The following GRAMD1B variants were observed in gnomAD, a reference collection of about 807,000 sequenced individuals.
The protein encoded by GRAMD1B is GRAM domain containing 1B, also known as protein Aster-B.
Under a neutral mutation model 99.7 loss-of-function variants are expected in GRAMD1B, and 37 were observed. The observed-to-expected ratio is 0.37, with a 90% confidence interval of 0.29 to 0.49. The LOEUF (loss-of-function observed/expected upper bound fraction) is 0.49. Among genes scored for constraint, GRAMD1B ranks in the 20% least tolerant of loss-of-function variants. GRAMD1B has a pLI of 0.98. For synonymous variants in GRAMD1B, 427 were observed against 387.6 expected (o/e 1.10, Z -1.19); for missense variants, 888 against 1,009.2 (o/e 0.88, Z 1.63).
intron 1 of GRAMD1B, chr11:123,435,653 T>C (rs1949125292): frequency 2.1e-6 from 1 of 486,632 alleles, no homozygotes; most frequent in African/African-American, 1.9e-5. Context: ...GATCTATAGA[T>C]CTATAGATGT....
At chr11:123,525,871 A>G (rs775289845) in intron 2 of GRAMD1B, 30 of 515,044 alleles carry the variant, frequency 5.8e-5, no homozygotes, top group Non-Finnish European at 9.8e-5. Context: ...AGCGGCAGCC[A>G]CAGCTCGGGC....
intron 1 of GRAMD1B, among the ~76,000 whole-genome samples, chr11:123,403,767 C>T (rs2135933235): frequency 6.6e-6 from 1 of 152,122 alleles, no homozygotes; most frequent in South Asian, 2.1e-4. Context: ...TAGTCTCGAA[C>T]TCCTGACCTC....
intron 2 of GRAMD1B, among the ~76,000 whole-genome samples, chr11:123,572,148 T>C (rs1948169102): frequency 6.6e-6 from 1 of 152,210 alleles, no homozygotes; most frequent in Non-Finnish European, 1.5e-5. Flanking sequence ...GTCTAGGTAC[T>C]TAACCCCCCT....
Position 123,470,143 on chromosome 11 carries a change from C to T in GRAMD1B, c.375-10673C>T, listed in dbSNP as rs934216322. 3.9e-5 allele frequency among the ~76,000 whole-genome samples: 6 copies of T among 152,132 alleles called. 1 individual carries two copies. Among genetic ancestry groups the T allele is most frequent in the Admixed American group, 1.3e-4 (2 of 15,262 alleles). ...ACCAGTCTACAGACCAGAGGTTCTC[C>T]ATGATCAAGTCATATTCAGGACTCC... is the stretch of plus-strand genomic sequence containing the variant. On this transcript the variant is annotated intron_variant, in intron 1 of 19. Transcript: ENST00000635736.
At chr11:123,486,675 C>A (rs983615102) in intron 2 of GRAMD1B, among the ~76,000 whole-genome samples, 1 of 152,116 alleles carries the variant, frequency 6.6e-6, no homozygotes, top group Non-Finnish European at 1.5e-5. Flanking sequence ...TATTTCCCCT[C>A]AAGAAGCTGA....
At chr11:123,459,879 A>G (rs1950330681) in intron 1 of GRAMD1B, 2 of 152,326 alleles carry the variant, frequency 1.3e-5, no homozygotes, top group South Asian at 2.1e-4. Context: ...TTTTCTGTGT[A>G]CAGATTGCCA....
chr11:123,505,187 TA>T (rs1940293006), intron 2 of GRAMD1B, among the ~76,000 whole-genome samples: 1 of 103,576 alleles, frequency 9.7e-6, no homozygotes, highest in Non-Finnish European at 1.9e-5. Flanking sequence ...TCAATGTCTT[TA>T]AAAAATATAT....
Position 123,361,119 on chromosome 11 carries a change from A to T in GRAMD1B, c.-176+2320A>T, listed in dbSNP as rs538932467. Among the ~76,000 whole-genome samples the T allele has an allele frequency of 3.3e-5, 5 of 152,210 alleles. No homozygotes were observed. In the South Asian group the frequency reaches 1.0e-3, roughly 32 times the overall value. On this transcript the variant is annotated intron_variant, in intron 1 of 20. Transcript: ENST00000638157. ...GCGTGAGCCACTGCGCCTGGCTGAA[A>T]TCACATCCTTCTAAGGAGATGGCAT...
At chr11:123,367,484 G>A (rs750412135) in intron 1 of GRAMD1B, among the ~76,000 whole-genome samples, 17 of 152,144 alleles carry the variant, frequency 1.1e-4, no homozygotes, top group Non-Finnish European at 1.9e-4. Flanking sequence ...TGATCCAGAC[G>A]GAGAAGGGTG....
intron 2 of GRAMD1B, among the ~76,000 whole-genome samples, chr11:123,522,099 G>A (rs1286942796): frequency 6.6e-6 from 1 of 152,170 alleles, no homozygotes; most frequent in Non-Finnish European, 1.5e-5. Context: ...AGGGAGTCAG[G>A]CAGAAGCAGG....
chr11:123,573,860 G>C (rs1948425162), intron 2 of GRAMD1B, among the ~76,000 whole-genome samples: 1 of 152,114 alleles, frequency 6.6e-6, no homozygotes, highest in Non-Finnish European at 1.5e-5. Context: ...TATGAAGACT[G>C]TCACTAGGAT....
chr11:123,381,672 A>C (rs1374483621), intron 1 of GRAMD1B, among the ~76,000 whole-genome samples: 1 of 152,250 alleles, frequency 6.6e-6, no homozygotes, highest in Non-Finnish European at 1.5e-5. Context: ...AGGCTCTAAG[A>C]GGCCATGTGT....
At chr11:123,507,633 T>C (rs1411555690) in intron 2 of GRAMD1B, among the ~76,000 whole-genome samples, 1 of 152,232 alleles carries the variant, frequency 6.6e-6, no homozygotes, top group African/African-American at 2.4e-5. Context: ...TTCATTTAAA[T>C]ACTTTTTATC....
chr11:123,508,517 G>A (rs1480266597), intron 2 of GRAMD1B, among the ~76,000 whole-genome samples: 1 of 152,174 alleles, frequency 6.6e-6, no homozygotes, highest in Non-Finnish European at 1.5e-5. Flanking sequence ...AATGAGAGTT[G>A]TCACAATTAT....
intron 2 of GRAMD1B, among the ~76,000 whole-genome samples, chr11:123,488,864 G>A (rs1049450335): frequency 6.6e-6 from 1 of 152,188 alleles, no homozygotes; most frequent in African/African-American, 2.4e-5. Context: ...TGTCCATGGT[G>A]CACCCTGGTC....
At chr11:123,503,820 TATAGATGTTAGCCACCACCCCCAGCCAA>T (rs1940145087) in intron 2 of GRAMD1B, among the ~76,000 whole-genome samples, 1 of 152,208 alleles carries the variant, frequency 6.6e-6, no homozygotes, top group African/African-American at 2.4e-5. Flanking sequence ...GTGCTGGGAT[TATAGATGTTAGCCACCACCCCCAGCCAA>T]ATTTTACCAT....
chr11:123,563,408 A>T (rs1947001487), intron 2 of GRAMD1B, among the ~76,000 whole-genome samples: 1 of 152,234 alleles, frequency 6.6e-6, no homozygotes, highest in Non-Finnish European at 1.5e-5. Flanking sequence ...GGAGGATAGG[A>T]ACAGAGGGAG....
rs753513255 is a variant in GRAMD1B at position 123,591,964 on chromosome 11, G to C, written c.685-2118G>C. ...GATTTGCCTGCGGGTTGGAGATGGTGGCCAAACGCCCTGTACCTCCACCTC... is the reference window on the plus strand; with the variant it reads ...GATTTGCCTGCGGGTTGGAGATGGTCGCCAAACGCCCTGTACCTCCACCTC... On this transcript the variant is annotated intron_variant, in intron 4 of 19. Transcript: ENST00000635736. The surrounding 1 kb of genome is among the most constrained non-coding windows in gnomAD (Gnocchi z 4.7). 7.0e-4 allele frequency among the ~76,000 whole-genome samples: 106 copies of C among 152,196 alleles called. No individual in the cohort carries two copies. Among genetic ancestry groups the C allele is most frequent in the Non-Finnish European group, 1.3e-3 (89 of 68,038 alleles).
chr11:123,376,010 T>G (rs1335227889), intron 1 of GRAMD1B, among the ~76,000 whole-genome samples: 1 of 152,142 alleles, frequency 6.6e-6, no homozygotes, highest in Non-Finnish European at 1.5e-5. Flanking sequence ...TGGCATTTGG[T>G]CAGCAGCCTC....
Sources: gnomAD v4.1 joint callset for allele counts (sites outside exome capture counted in the v4.1 genomes callset) on GRCh38, gnomAD v4.1.1 for gene constraint, Gnocchi (gnomAD v3.1) non-coding constraint, MANE v1.5 for transcripts, NCBI Gene and HGNC (gene_info 2026-07-23, HGNC 2026-07-21) for gene names.